Variants in ZNF639 observed in about 807,000 individuals in gnomAD.
The protein encoded by ZNF639 is zinc finger amplified in esophageal squamous cell carcinomas 1.
A neutral mutation model predicts 39.8 loss-of-function variants in ZNF639; 20 were observed. That is an observed-to-expected ratio of 0.50 (90% CI 0.35 to 0.73). ZNF639 has a LOEUF of 0.73. Ranked by LOEUF, ZNF639 falls within the 30% of genes least tolerant of loss-of-function variation. The probability of loss-of-function intolerance (pLI) is 0.00; values close to 1 mark genes in which losing one functional copy is unlikely to be tolerated. For missense variants in ZNF639, 477 were observed against 566.2 expected (o/e 0.84, Z 1.60); for synonymous variants, 176 against 189.8 (o/e 0.93, Z 0.60).
rs1455614571 is a variant in ZNF639 at position 179,333,017 on chromosome 3, T to C, written c.198T>C (p.Asn66=). ...ATGATTCTGATACCGAGACGTCAAA[T>C]GACTTGCCAAAATTTGCAGATGGAA... ...KDDDSDTETS[N]DLPKFADGIK... is the part of the protein sequence containing the mutation. The change falls in exon 5 of 6, where the codon AAT becomes AAC. Residue 66 remains asparagine, a synonymous_variant. Coordinates refer to ENST00000496856, the MANE Select transcript of ZNF639 (RefSeq NM_001303426.2). 6.4e-7 allele frequency: 1 copy of C among 1,555,592 alleles called. No homozygotes were observed. The highest frequency in any genetic ancestry group is 8.7e-7 in the Non-Finnish European group (1 of 1,148,810).
chr3:179,333,544 C>G lies in ZNF639; in HGVS notation c.580C>G (p.Pro194Ala). 6.2e-7 allele frequency: 1 copy of G among 1,614,038 alleles called. No individual in the cohort carries two copies. The highest frequency in any genetic ancestry group is 8.5e-7 in the Non-Finnish European group (1 of 1,180,016). The change falls in exon 6 of 6, where the codon CCT (proline) becomes GCT (alanine). Residue 194 changes from proline (P) to alanine (A), a missense_variant. Pro to Ala is a conservative substitution (Grantham distance 27). Coordinates refer to ENST00000496856, the MANE Select transcript of ZNF639 (RefSeq NM_001303426.2). ...ALNVTAQQKW[P>A]LLRANSSGLY... The stretch of plus-strand genomic sequence containing the variant: ...GAATGTGACTGCCCAGCAGAAATGG[C>G]CTTTACTGAGAGCTAATAGCAGTGG...
chr3:179,327,060 C>G (rs1013471411), intron 1 of ZNF639, among the ~76,000 whole-genome samples: 13 of 151,926 alleles, frequency 8.6e-5, no homozygotes, highest in African/African-American at 2.4e-5. Flanking sequence ...TGTGGTGCCA[C>G]ATGCCTGTAA....
rs914465666 is a variant in ZNF639 at position 179,336,975 on chromosome 3, C to G, written c.*2553C>G. ...CAAGTGTTAGTAATTGAAAAGATTG[C>G]AGGCTGGGCGTGGTGGCCCACGCCT... is the stretch of plus-strand genomic sequence containing the variant. On this transcript the variant is annotated 3_prime_UTR_variant, in exon 6 of 6. Coordinates refer to ENST00000496856, the MANE Select transcript of ZNF639 (RefSeq NM_001303426.2). The G allele has an allele frequency of 6.6e-6, 1 of 152,176 alleles. No homozygotes were observed. The highest frequency in any genetic ancestry group is 2.4e-5 in the African/African-American group (1 of 41,430). The allele number at this position is 152,176 out of a possible 1,614,324, so 9.4% of individuals were successfully genotyped here.
At chr3:179,324,543 A>T (rs1262582120) in intron 1 of ZNF639, among the ~76,000 whole-genome samples, 1 of 152,216 alleles carries the variant, frequency 6.6e-6, no homozygotes, top group African/African-American at 2.4e-5. Flanking sequence ...CACAAAAGGC[A>T]CATAAAAATG....
intron 4 of ZNF639, among the ~76,000 whole-genome samples, chr3:179,331,136 A>G (rs1727880629): frequency 1.3e-5 from 2 of 152,204 alleles, no homozygotes; most frequent in African/African-American, 4.8e-5. Context: ...AAAAACCTAA[A>G]CACACGCACT....
rs1728087259 is a variant in ZNF639 at position 179,334,164 on chromosome 3, T to G, written c.1200T>G (p.Ile400Met). The G allele has an allele frequency of 6.2e-7, 1 of 1,614,166 alleles. No individual in the cohort carries two copies. The highest frequency in any genetic ancestry group is 1.1e-5 in the South Asian group (1 of 91,082). ...ATGTTGCTATTGAACATACAAAAATTTTTCCTCATGTTTGTGATGACTGTG... is the reference window on the plus strand; with the variant it reads ...ATGTTGCTATTGAACATACAAAAATGTTTCCTCATGTTTGTGATGACTGTG... ...NRHVAIEHTK[I>M]FPHVCDDCGK... is the part of the protein sequence containing the mutation. Residue 400 changes from isoleucine to methionine, a missense_variant, in exon 6 of 6, where the codon ATT becomes ATG. Ile to Met is a conservative substitution (Grantham distance 10, BLOSUM62 1). Transcript: ENST00000496856.
chr3:179,325,975 A>G (rs537088604), intron 1 of ZNF639, among the ~76,000 whole-genome samples: 1 of 152,236 alleles, frequency 6.6e-6, no homozygotes, highest in African/African-American at 2.4e-5. Flanking sequence ...AACTTAGTGA[A>G]GCAGCAAAAA....
intron 1 of ZNF639, among the ~76,000 whole-genome samples, chr3:179,327,218 G>A (rs1334948834): frequency 6.6e-6 from 1 of 151,978 alleles, no homozygotes; most frequent in African/African-American, 2.4e-5. Flanking sequence ...AATTTGGTTT[G>A]CTTTCATTAT....
Position 179,323,117 on chromosome 3 carries a change from G to C in ZNF639, c.-257G>C, listed in dbSNP as rs982400312. 151 of 984,624 alleles carry C rather than the reference G, an allele frequency of 1.5e-4. No homozygotes were observed. Among genetic ancestry groups the C allele is most frequent in the Non-Finnish European group, 1.7e-4 (144 of 829,852 alleles). 61.0% of individuals were successfully genotyped at this position (984,624 alleles called of 1,614,324 possible). On this transcript the variant is annotated 5_prime_UTR_variant, in exon 1 of 6. Coordinates refer to ENST00000496856, the MANE Select transcript of ZNF639 (RefSeq NM_001303426.2). ...CAGGGGCCTGGCGCTCAGGGCGTGG[G>C]GCGCGCGGGGAGGGAGAGGGGTCGG...
rs1198306484 is a variant in ZNF639 at position 179,335,437 on chromosome 3, A to G, written c.*1015A>G. 2 of 152,232 alleles carry G rather than the reference A, an allele frequency of 1.3e-5. No homozygotes were observed. The highest frequency in any genetic ancestry group is 2.9e-5 in the Non-Finnish European group (2 of 68,058). The allele number at this position is 152,232 out of a possible 1,614,324, so 9.4% of individuals were successfully genotyped here. A position where few individuals can be genotyped will look rare whatever the true frequency, so the allele number is the denominator to read the frequency against. ...CAAATTGTTCATTGACAGAAAACCC[A>G]CTGAAGTATTTAAAGTTAGGAAGAT... On this transcript the variant is annotated 3_prime_UTR_variant, in exon 6 of 6. Coordinates refer to ENST00000496856, the MANE Select transcript of ZNF639 (RefSeq NM_001303426.2).
chr3:179,323,640 C>G (rs938566044), intron 1 of ZNF639: 5 of 152,814 alleles, frequency 3.3e-5, no homozygotes, highest in African/African-American at 1.2e-4. Flanking sequence ...GGACTTCTGC[C>G]CTGCGCCTCC....
Position 179,332,993 on chromosome 3 carries a change from T to G in ZNF639, c.174T>G (p.Asp58Glu). 6.5e-7 allele frequency: 1 copy of G among 1,546,652 alleles called. No homozygotes were observed. The highest frequency in any genetic ancestry group is 8.7e-7 in the Non-Finnish European group (1 of 1,145,892). The change falls in exon 5 of 6, where the codon GAT (aspartate) becomes GAG (glutamate). Residue 58 changes from aspartate (D) to glutamate (E), a missense_variant. Transcript: ENST00000496856. ...PDLKYFDNKD[D>E]DSDTETSNDL... is the part of the protein sequence containing the mutation. ...CTTCCAAATCCCTTTTTACAGATGA[T>G]GATTCTGATACCGAGACGTCAAATG...
At chr3:179,329,146 A>G (rs564950715) in intron 3 of ZNF639, among the ~76,000 whole-genome samples, 98 of 152,162 alleles carry the variant, frequency 6.4e-4, no homozygotes, top group Admixed American at 3.6e-3. Context: ...CAGCCTACAC[A>G]TTCTTCATAT....
Position 179,337,874 on chromosome 3 carries a change from TCTC to T in ZNF639, c.*3455_*3457del, listed in dbSNP as rs2108513303. On this transcript the variant is annotated 3_prime_UTR_variant, in exon 6 of 6. Transcript: ENST00000496856. ...CCTCTGCCTCCCGGGTTTAAGCAAT[TCTC>T]CTGCCTCAGCCTCCCGAGTAGCTGG... 6.6e-6 allele frequency: 1 copy of T among 152,274 alleles called. No homozygotes were observed. The highest frequency in any genetic ancestry group is 2.1e-4 in the South Asian group (1 of 4,820). The allele number at this position is 152,274 out of a possible 1,614,324, so 9.4% of individuals were successfully genotyped here.
intron 4 of ZNF639, among the ~76,000 whole-genome samples, chr3:179,331,688 T>C (rs1560181000): frequency 6.6e-6 from 1 of 150,434 alleles, no homozygotes; most frequent in Non-Finnish European, 1.5e-5. Flanking sequence ...GGCAGGAGAA[T>C]TGCTTGAACC....
rs1727376611 is a variant in ZNF639, at chr3:179,323,170, G to T, written c.-204G>T. 1.0e-6 allele frequency: 1 copy of T among 984,712 alleles called. No homozygotes were observed. The highest frequency in any genetic ancestry group is 1.2e-6 in the Non-Finnish European group (1 of 829,728). The allele number at this position is 984,712 out of a possible 1,614,324, so 61.0% of individuals were successfully genotyped here. A position where few individuals can be genotyped will look rare whatever the true frequency, so the allele number is the denominator to read the frequency against. On this transcript the variant is annotated 5_prime_UTR_variant, in exon 1 of 6. Coordinates refer to ENST00000496856, the MANE Select transcript of ZNF639 (RefSeq NM_001303426.2). ...CAGCACAGCGTCCGGGAGCGCTAGG[G>T]CCGGAGCAGCGCTGCCCGCCGCCGT...
chr3:179,323,277 T>A lies in ZNF639; in HGVS notation c.-97T>A. The stretch of plus-strand genomic sequence containing the variant: ...TCTGCGTGGGCCGGCCGGGAGGGCC[T>A]CGGGGGACTGACTGGTGAGTGTGAG... On this transcript the variant is annotated 5_prime_UTR_variant, in exon 1 of 6. Coordinates refer to ENST00000496856, the MANE Select transcript of ZNF639 (RefSeq NM_001303426.2). 2 of 985,018 alleles carry A rather than the reference T, an allele frequency of 2.0e-6. No homozygotes were observed. Among genetic ancestry groups the A allele is most frequent in the Non-Finnish European group, 2.4e-6 (2 of 829,878 alleles). The allele number at this position is 985,018 out of a possible 1,614,324, so 61.0% of individuals were successfully genotyped here.
chr3:179,333,659 C>A lies in ZNF639; in HGVS notation c.695C>A (p.Ser232Ter). 1 of 1,614,142 alleles carries A rather than the reference C, an allele frequency of 6.2e-7. No homozygotes were observed. Among genetic ancestry groups the A allele is most frequent in the South Asian group, 1.1e-5 (1 of 91,064 alleles). Residue 232 changes from serine (S) to a stop codon, truncating the protein, a stop_gained, in exon 6 of 6, where the codon TCA becomes TAA. Coordinates refer to ENST00000496856, the MANE Select transcript of ZNF639 (RefSeq NM_001303426.2). LOFTEE classifies it high-confidence loss of function. ...HMILKHKRTD[S>*]NVCRVCKESF... The stretch of plus-strand genomic sequence containing the variant: ...ATCCTGAAGCATAAACGTACTGATT[C>A]AAATGTGTGTCGAGTATGCAAGGAA...
chr3:179,328,831 C>T (rs558993049), intron 3 of ZNF639, among the ~76,000 whole-genome samples: 1 of 149,214 alleles, frequency 6.7e-6, no homozygotes, highest in Admixed American at 6.7e-5. Flanking sequence ...GCTGGAGTGC[C>T]ATGGTGTGAT....
Sources: gnomAD v4.1 joint callset for allele counts (sites outside exome capture counted in the v4.1 genomes callset) on GRCh38, gnomAD v4.1.1 for gene constraint, MANE v1.5 for transcripts, NCBI Gene and HGNC (gene_info 2026-07-23, HGNC 2026-07-21) for gene names.